Variants in RBM47 observed in about 807,000 individuals in gnomAD.
The protein encoded by RBM47 is RNA-binding protein 47.
A neutral mutation model predicts 47.1 loss-of-function variants in RBM47; 21 were observed. That is an observed-to-expected ratio of 0.45 (90% CI 0.32 to 0.64). The LOEUF (loss-of-function observed/expected upper bound fraction) is 0.64. Ranked by LOEUF, RBM47 falls within the 30% of genes least tolerant of loss-of-function variation. The pLI is 0.05. For missense variants in RBM47, 708 were observed against 870.9 expected, an observed-to-expected ratio of 0.81 and a Z score of 2.35; for synonymous variants, 375 against 361.7, an observed-to-expected ratio of 1.04 and a Z score of -0.42.
chr4:40,546,741 A>G (rs1352436113), intron 1 of RBM47, among the ~76,000 whole-genome samples: 1 of 152,206 alleles, frequency 6.6e-6, no homozygotes, highest in Admixed American at 6.5e-5. Flanking sequence ...GGTGAGTCCA[A>G]CCTGTGTCAC....
At chr4:40,433,301 C>T (rs1711653908) in intron 5 of RBM47, among the ~76,000 whole-genome samples, 1 of 152,156 alleles carries the variant, frequency 6.6e-6, no homozygotes, top group Admixed American at 6.5e-5. Flanking sequence ...TCCTGGGCCT[C>T]TCCATGCTCA....
At chr4:40,448,831 T>A (rs1714954770) in intron 3 of RBM47, among the ~76,000 whole-genome samples, 2 of 152,164 alleles carry the variant, frequency 1.3e-5, no homozygotes, top group Non-Finnish European at 2.9e-5. Flanking sequence ...GAGAGGAGTC[T>A]CTCACAAAAG....
At chr4:40,525,259 G>A (rs551400298) in intron 2 of RBM47, among the ~76,000 whole-genome samples, 5 of 152,118 alleles carry the variant, frequency 3.3e-5, no homozygotes, top group East Asian at 1.9e-4. Context: ...CCAACATGGC[G>A]AAACCCTGTC....
rs750811346 is a variant in RBM47, at chr4:40,438,333, C to A, written c.561G>T (p.Ala187=). The A allele has an allele frequency of 1.7e-5, 27 of 1,609,550 alleles. No individual in the cohort carries two copies. The South Asian group carries it at 2.9e-4, about 17-fold the overall frequency. ...AGCCGCGGTTCTTCATCTTGTCGGC[C>A]GCGCTGGCGTAGACGATCACGTCCA... ...GVLDVIVYAS[A]ADKMKNRGFA... is the part of the protein sequence containing the mutation. Residue 187 remains alanine (A), a synonymous_variant, in exon 4 of 7, where the codon GCG becomes GCT. Coordinates refer to ENST00000295971, the MANE Select transcript of RBM47 (RefSeq NM_001098634.2).
At chr4:40,536,792 C>T (rs1728037932) in intron 2 of RBM47, among the ~76,000 whole-genome samples, 1 of 151,940 alleles carries the variant, frequency 6.6e-6, no homozygotes, top group Non-Finnish European at 1.5e-5. Flanking sequence ...GTGGCATGAT[C>T]TCAGCTCACT....
intron 2 of RBM47, among the ~76,000 whole-genome samples, chr4:40,498,629 C>A (rs917355304): frequency 7.1e-6 from 1 of 141,430 alleles, no homozygotes; most frequent in Non-Finnish European, 1.5e-5. Flanking sequence ...GCCAATATTG[C>A]GCCATTGCAC....
chr4:40,567,089 A>G (rs896427465), intron 1 of RBM47, among the ~76,000 whole-genome samples: 5 of 152,002 alleles, frequency 3.3e-5, no homozygotes, highest in African/African-American at 1.2e-4. Context: ...CTCAGAGAAT[A>G]TAAGTAATAG....
intron 3 of RBM47, among the ~76,000 whole-genome samples, chr4:40,461,310 T>C (rs1208743583): frequency 1.3e-5 from 2 of 152,220 alleles, no homozygotes; most frequent in Non-Finnish European, 2.9e-5. Flanking sequence ...GAGCTAATCA[T>C]TTATTCTCAG....
intron 1 of RBM47, among the ~76,000 whole-genome samples, chr4:40,589,415 TTTATTTAC>T (rs1163624626): frequency 6.6e-6 from 1 of 152,144 alleles, no homozygotes; most frequent in Admixed American, 6.6e-5. Context: ...TATTTATTTA[TTTATTTAC>T]TTATTTTTTA....
At chr4:40,555,603 T>C (rs1284087172) in intron 1 of RBM47, among the ~76,000 whole-genome samples, 2 of 152,244 alleles carry the variant, frequency 1.3e-5, no homozygotes, top group African/African-American at 2.4e-5. Context: ...TTCTCACTTA[T>C]ATTAATGCAG....
chr4:40,550,598 T>C (rs146419491), intron 1 of RBM47, among the ~76,000 whole-genome samples: 4,576 of 152,146 alleles, frequency 0.03, 261 homozygotes, highest in African/African-American at 0.1. Context: ...TTTGTGTTTT[T>C]AGTAGAGATG....
chr4:40,466,291 A>G (rs919581012), intron 3 of RBM47, among the ~76,000 whole-genome samples: 7 of 145,750 alleles, frequency 4.8e-5, no homozygotes, highest in Non-Finnish European at 7.6e-5. Flanking sequence ...AAAAAGAAAG[A>G]AAGAAATACA....
In RBM47 at chr4:40,471,223, G is replaced by C. The variant is rs7684912; in HGVS notation, c.-154-4524C>G. Among the ~76,000 whole-genome samples, 417 of 152,152 alleles carry C rather than the reference G, an allele frequency of 2.7e-3. 2 individuals are homozygous for C. The highest frequency in any genetic ancestry group is 9.6e-3 in the African/African-American group (400 of 41,508). On this transcript the variant is annotated intron_variant, in intron 2 of 6. Coordinates refer to ENST00000295971, the MANE Select transcript of RBM47 (RefSeq NM_001098634.2). The stretch of plus-strand genomic sequence containing the variant: ...CTTTCTGAGCCTCAGGTTGTTACCC[G>C]TACACTGAAAGATCACCATTATAAG...
intron 3 of RBM47, among the ~76,000 whole-genome samples, chr4:40,440,890 AC>A (rs1347210773): frequency 6.6e-6 from 1 of 152,172 alleles, no homozygotes; most frequent in Non-Finnish European, 1.5e-5. Flanking sequence ...TTTCATCCAA[AC>A]TTTTGAGTAA....
chr4:40,594,017 A>T (rs562495038), intron 1 of RBM47, among the ~76,000 whole-genome samples: 2 of 152,172 alleles, frequency 1.3e-5, no homozygotes, highest in South Asian at 4.1e-4. Context: ...GCGCCATTGC[A>T]CTCCAGCCTG....
chr4:40,477,122 GCAGTGAGC>G (rs1453881777), intron 2 of RBM47, among the ~76,000 whole-genome samples: 5 of 152,176 alleles, frequency 3.3e-5, no homozygotes, highest in Non-Finnish European at 7.3e-5. Flanking sequence ...GGCGGAGGTT[GCAGTGAGC>G]CAAGATGGCG....
chr4:40,537,349 T>A (rs432026), intron 2 of RBM47, among the ~76,000 whole-genome samples: 1,763 of 152,102 alleles, frequency 0.012, 47 homozygotes, highest in African/African-American at 0.04. Context: ...CTCAGCTCAC[T>A]GCAGCCTTGA....
rs577151959 is a variant in RBM47 at position 40,430,009 on chromosome 4, A to AC, written c.1542+2641_1542+2642insG. Among the ~76,000 whole-genome samples the AC allele has an allele frequency of 4.2e-3, 640 of 152,102 alleles. 2 individuals are homozygous for AC. The highest frequency in any genetic ancestry group is 0.015 in the African/African-American group (603 of 41,508). On this transcript the variant is annotated intron_variant, in intron 6 of 6. Coordinates refer to ENST00000295971, the MANE Select transcript of RBM47 (RefSeq NM_001098634.2). ...GGAGATCAAGACCATCCTGGCTAAC[A>AC]GGTGAAACCCCGTCTCCACTAAAAA...
intron 1 of RBM47, among the ~76,000 whole-genome samples, chr4:40,624,567 T>C (rs1227671498): frequency 6.6e-6 from 1 of 152,184 alleles, no homozygotes; most frequent in East Asian, 1.9e-4. Context: ...ATCATCCTCA[T>C]GGAGAAATAG....
Sources: gnomAD v4.1 joint callset for allele counts (sites outside exome capture counted in the v4.1 genomes callset) on GRCh38, gnomAD v4.1.1 for gene constraint, MANE v1.5 for transcripts, NCBI Gene and HGNC (gene_info 2026-07-23, HGNC 2026-07-21) for gene names.